Variants in PCDH1 observed in about 807,000 individuals in gnomAD.
The protein encoded by PCDH1 is protocadherin 1.
In PCDH1, 23 loss-of-function variants were observed where a neutral mutation model predicts 74.6. That is an observed-to-expected ratio of 0.31 (90% CI 0.22 to 0.44). PCDH1 has a LOEUF of 0.44. Ranked by LOEUF, PCDH1 falls within the 20% of genes least tolerant of loss-of-function variation. The pLI, the probability that PCDH1 is intolerant of heterozygous loss-of-function variation, is 1.00. For missense variants in PCDH1, 1,214 were observed against 1,641.4 expected, an observed-to-expected ratio of 0.74 and a Z score of 4.50; for synonymous variants, 647 against 686.1, an observed-to-expected ratio of 0.94 and a Z score of 0.89.
In PCDH1 at chr5:141,878,368, G is replaced by A. The variant is rs1241439546; in HGVS notation, c.-106C>T. On this transcript the variant is annotated 5_prime_UTR_variant, in exon 1 of 5. Coordinates refer to ENST00000287008, the MANE Select transcript of PCDH1 (RefSeq NM_032420.5). This position sits in a 1 kb window ranked among gnomAD's most constrained non-coding sequence, Gnocchi z 5.5. The stretch of plus-strand genomic sequence containing the variant: ...CGGCTGGCTCTGGGCGCAGCAGCCC[G>A]GCGGCTTTGCGTCCGCGCCGCGCTC... The A allele has an allele frequency of 5.7e-6, 5 of 882,916 alleles. No individual in the cohort carries two copies. The highest frequency in any genetic ancestry group is 4.4e-5 in the East Asian group (1 of 22,568). 54.7% of individuals were successfully genotyped at this position (882,916 alleles called of 1,614,324 possible). A position where few individuals can be genotyped will look rare whatever the true frequency, so the allele number is the denominator to read the frequency against.
chr5:141,868,265 A>C lies in PCDH1; in HGVS notation c.903+304T>G, dbSNP rs541419385. 3.3e-4 allele frequency among the ~76,000 whole-genome samples: 51 copies of C among 152,328 alleles called. 1 individual carries two copies. In the South Asian group the frequency reaches 9.1e-3, roughly 27 times the overall value. ...CAGCTCACCTGGCTAGCAGAGAAGGATCTACTTGACTAGGGCGGGAGTTTT... is the reference window on the plus strand; with the variant it reads ...CAGCTCACCTGGCTAGCAGAGAAGGCTCTACTTGACTAGGGCGGGAGTTTT... On this transcript the variant is annotated intron_variant, in intron 2 of 4. Transcript: ENST00000287008. This position sits in a 1 kb window ranked among gnomAD's most constrained non-coding sequence, Gnocchi z 4.8.
chr5:141,855,405 ATG>A (rs1444830966), intron 4 of PCDH1, among the ~76,000 whole-genome samples: 3 of 152,106 alleles, frequency 2.0e-5, no homozygotes, highest in Non-Finnish European at 4.4e-5. Context: ...ACAGACTTAA[ATG>A]TGCAAATCTA....
At position 141,865,722 on chromosome 5, in the gene PCDH1, T is replaced by A. The variant is rs1354552186; in HGVS notation, c.904-295A>T. Among the ~76,000 whole-genome samples the A allele has an allele frequency of 6.6e-6, 1 of 152,126 alleles. No individual in the cohort carries two copies. The highest frequency in any genetic ancestry group is 2.4e-5 in the African/African-American group (1 of 41,420). ...GGCAGAATTAAACCTCACTTGTCAT[T>A]GCTGTATGGGTCCACAAAAATACCA... is the stretch of plus-strand genomic sequence containing the variant. On this transcript the variant is annotated intron_variant, in intron 2 of 4. Transcript: ENST00000287008. The surrounding 1 kb of genome is among the most constrained non-coding windows in gnomAD (Gnocchi z 4.4).
rs772419496 is a variant in PCDH1, at chr5:141,857,397, G to A, written c.3174C>T (p.Tyr1058=). Residue 1058 remains tyrosine, a synonymous_variant, in exon 4 of 5, where the codon TAC becomes TAT. Transcript: ENST00000287008. The part of the protein sequence containing the change: ...QELQDPSQHS[Y]YDSGLEESET... Reference sequence around the variant, plus strand: ...CAGACTCCTCCAGGCCACTGTCATAGTAACTGTGCTGGGATGGGTCCTGCA... The same window carrying A: ...CAGACTCCTCCAGGCCACTGTCATAATAACTGTGCTGGGATGGGTCCTGCA... 9 of 1,614,010 alleles carry A rather than the reference G, an allele frequency of 5.6e-6. No individual in the cohort carries two copies. The South Asian group carries it at 9.9e-5, about 18-fold the overall frequency.
intron 4 of PCDH1, among the ~76,000 whole-genome samples, chr5:141,856,814 G>C (rs1752358183): frequency 6.6e-6 from 1 of 152,074 alleles, no homozygotes; most frequent in Non-Finnish European, 1.5e-5. Flanking sequence ...TATTCTCAAG[G>C]CCTTCCCAAC....
Position 141,863,712 on chromosome 5 carries a change from A to G in PCDH1, c.2619T>C (p.Leu873=). 1 of 1,614,190 alleles carries G rather than the reference A, an allele frequency of 6.2e-7. No homozygotes were observed. The highest frequency in any genetic ancestry group is 8.5e-7 in the Non-Finnish European group (1 of 1,180,024). ...AVALLIALAV[L]VRYCRQREAK... is the part of the protein sequence containing the mutation. ...CCTCCCGCTGTCTGCAGTAGCGCAC[A>G]AGAACCGCCAGGGCGATGAGCAAGG... Residue 873 remains leucine, a synonymous_variant, in exon 3 of 5, where the codon CTT becomes CTC. Coordinates refer to ENST00000287008, the MANE Select transcript of PCDH1 (RefSeq NM_032420.5). This position sits in a 1 kb window ranked among gnomAD's most constrained non-coding sequence, Gnocchi z 7.5.
rs1209514552 is a variant in PCDH1 at position 141,868,317 on chromosome 5, G to A, written c.903+252C>T. On this transcript the variant is annotated intron_variant, in intron 2 of 4. Transcript: ENST00000287008. The surrounding 1 kb of genome is among the most constrained non-coding windows in gnomAD (Gnocchi z 4.8). Reference sequence around the variant, plus strand: ...CTTCTCAGAGGTTCCCCCAGCTTGAGTCTGCCTTAGGGGTCACGGGAAACT... The same window carrying A: ...CTTCTCAGAGGTTCCCCCAGCTTGAATCTGCCTTAGGGGTCACGGGAAACT... Among the ~76,000 whole-genome samples, 1 of 152,212 alleles carries A rather than the reference G, an allele frequency of 6.6e-6. No homozygotes were observed. Among genetic ancestry groups the A allele is most frequent in the Non-Finnish European group, 1.5e-5 (1 of 68,042 alleles).
At chr5:141,867,482 G>A in intron 2 of PCDH1, 1 of 425,490 alleles carries the variant, frequency 2.4e-6, no homozygotes, top group Non-Finnish European at 4.6e-6. Flanking sequence ...TGTACTGTAA[G>A]GATTAAATGA....
intron 3 of PCDH1, chr5:141,862,718 G>C: frequency 3.0e-6 from 3 of 994,322 alleles, no homozygotes; most frequent in Non-Finnish European, 3.6e-6. Context: ...AAGCCTAGTG[G>C]TGAGGAAGAG....
intron 2 of PCDH1, chr5:141,867,552 TC>T (rs1309342357): frequency 2.2e-6 from 1 of 454,738 alleles, no homozygotes; most frequent in Admixed American, 2.4e-5. Flanking sequence ...TTATTTGCTA[TC>T]CCCGACTGTC....
intron 2 of PCDH1, chr5:141,867,530 C>T: frequency 2.2e-6 from 1 of 450,872 alleles, no homozygotes; most frequent in Non-Finnish European, 4.4e-6. Context: ...GTGCCTGGCA[C>T]CTAGGCTATT....
intron 1 of PCDH1, among the ~76,000 whole-genome samples, chr5:141,874,560 G>A (rs1428033840): frequency 6.6e-6 from 1 of 152,204 alleles, no homozygotes; most frequent in Non-Finnish European, 1.5e-5. Flanking sequence ...GGATAAGGAG[G>A]GGACGGAGTC....
Position 141,864,266 on chromosome 5 carries a change from C to T in PCDH1, c.2065G>A (p.Asp689Asn), listed in dbSNP as rs919006816. Reference sequence around the variant, plus strand: ...GCTGAGCGAGGTGGGACGCCACCATCCACTGCCTTCAGCTGGAAGGTGTAG... The same window carrying T: ...GCTGAGCGAGGTGGGACGCCACCATTCACTGCCTTCAGCTGGAAGGTGTAG... ...STYTFQLKAVDGGVPPRSAYV... is the reference protein window; with the variant it reads ...STYTFQLKAVNGGVPPRSAYV... The change falls in exon 3 of 5, where the codon GAT becomes AAT. Residue 689 changes from aspartate to asparagine, a missense_variant. This residue lies in a region of PCDH1 where 836 missense variants were observed against 1,182.2 expected (regional missense o/e 0.71). Coordinates refer to ENST00000287008, the MANE Select transcript of PCDH1 (RefSeq NM_032420.5). The surrounding 1 kb of genome is among the most constrained non-coding windows in gnomAD (Gnocchi z 5.9). 2 of 1,612,654 alleles carry T rather than the reference C, an allele frequency of 1.2e-6. No individual in the cohort carries two copies. The highest frequency in any genetic ancestry group is 2.7e-5 in the African/African-American group (2 of 74,896).
chr5:141,863,664 A>T lies in PCDH1; in HGVS notation c.2667T>A (p.Gly889=). The T allele has an allele frequency of 6.2e-7, 1 of 1,614,066 alleles. No homozygotes were observed. The highest frequency in any genetic ancestry group is 2.2e-5 in the East Asian group (1 of 44,862). The change falls in exon 3 of 5, where the codon GGT becomes GGA. Residue 889 remains glycine (G), a synonymous_variant. Transcript: ENST00000287008. The surrounding 1 kb of genome is among the most constrained non-coding windows in gnomAD (Gnocchi z 7.5). The part of the protein sequence containing the change: ...QREAKSGYQA[G]KKETKDLYAP... ...CATACAGGTCCTTGGTCTCCTTCTT[A>T]CCAGCCTGGTAACCACTTTTGGCCT...
chr5:141,874,478 G>A (rs1345079520), intron 1 of PCDH1, among the ~76,000 whole-genome samples: 1 of 152,256 alleles, frequency 6.6e-6, no homozygotes, highest in Non-Finnish European at 1.5e-5. Flanking sequence ...CAGAGCCTGA[G>A]GGGGAACAGG....
chr5:141,872,652 T>G (rs1337947193), intron 1 of PCDH1, among the ~76,000 whole-genome samples: 1 of 152,110 alleles, frequency 6.6e-6, no homozygotes, highest in African/African-American at 2.4e-5. Context: ...CTATAACCTT[T>G]CAAACCTCCT....
At chr5:141,877,518 G>A (rs180696968) in intron 1 of PCDH1, among the ~76,000 whole-genome samples, 306 of 152,272 alleles carry the variant, frequency 2.0e-3, no homozygotes, top group Admixed American at 9.9e-3. Flanking sequence ...TGTGACACTC[G>A]TACATGAGGG....
At chr5:141,866,208 C>T (rs1248643030) in intron 2 of PCDH1, 2 of 985,418 alleles carry the variant, frequency 2.0e-6, no homozygotes, top group Non-Finnish European at 2.4e-6. Flanking sequence ...GCAGCAACTT[C>T]TCCTCCCGAC....
chr5:141,873,473 G>A (rs1227365369), intron 1 of PCDH1, among the ~76,000 whole-genome samples: 3 of 145,532 alleles, frequency 2.1e-5, no homozygotes, highest in Non-Finnish European at 4.5e-5. Context: ...TTGAGACGGA[G>A]TCTTGCTCTG....
Sources: allele counts gnomAD v4.1 joint callset (sites outside exome capture counted in the v4.1 genomes callset), GRCh38; gene constraint gnomAD v4.1.1; regional missense constraint gnomAD v4.1.1; non-coding constraint Gnocchi (gnomAD v3.1); transcripts MANE v1.5; gene names NCBI Gene and HGNC (gene_info 2026-07-23, HGNC 2026-07-21).